CNTN5: variants seen among roughly 807,000 people sequenced by gnomAD.
CNTN5 encodes contactin-5.
Under a neutral mutation model 129.1 loss-of-function variants are expected in CNTN5, and 77 were observed. The observed-to-expected ratio is 0.60, with a 90% CI of 0.50 to 0.72. CNTN5 has a LOEUF of 0.72. CNTN5 is among the 30% of genes least tolerant of loss of function. CNTN5 has a pLI of 0.00. For synonymous variants in CNTN5, 509 were observed against 465.6 expected (o/e 1.09, Z -1.20); for missense variants, 1,478 against 1,328.8 (o/e 1.11, Z -1.75).
chr11:99,750,357 T>C (rs544027356), intron 3 of CNTN5, among the ~76,000 whole-genome samples: 4 of 152,306 alleles, frequency 2.6e-5, no homozygotes, highest in Admixed American at 6.5e-5. Context: ...TATAGTCTTA[T>C]ACCTCAACTA....
intron 13 of CNTN5, among the ~76,000 whole-genome samples, chr11:100,175,417 A>G (rs369866666): frequency 6.6e-6 from 1 of 152,118 alleles, no homozygotes; most frequent in African/African-American, 2.4e-5. Context: ...AATTATTACC[A>G]TTGCCTTTTT....
At chr11:99,312,630 G>A (rs1320170127) in intron 1 of CNTN5, among the ~76,000 whole-genome samples, 1 of 152,070 alleles carries the variant, frequency 6.6e-6, no homozygotes, top group Non-Finnish European at 1.5e-5. Flanking sequence ...AAATTATGTA[G>A]CCTTTCTATA....
intron 13 of CNTN5, among the ~76,000 whole-genome samples, chr11:100,130,874 G>A (rs886443905): frequency 1.3e-5 from 2 of 152,056 alleles, no homozygotes; most frequent in Admixed American, 6.6e-5. Context: ...ATGACTTATT[G>A]TTGACTGATT....
chr11:99,330,981 C>T (rs1026171419), intron 2 of CNTN5, among the ~76,000 whole-genome samples: 3 of 151,994 alleles, frequency 2.0e-5, no homozygotes, highest in African/African-American at 4.8e-5. Flanking sequence ...CACACACATA[C>T]ACACACAAAC....
chr11:99,293,201 T>C (rs1390406504), intron 1 of CNTN5, among the ~76,000 whole-genome samples: 1 of 152,180 alleles, frequency 6.6e-6, no homozygotes, highest in Admixed American at 6.5e-5. Flanking sequence ...TTTTTATCCT[T>C]GATTCTGTTA....
chr11:99,369,964 A>G (rs929479512), intron 2 of CNTN5, among the ~76,000 whole-genome samples: 9 of 152,220 alleles, frequency 5.9e-5, no homozygotes, highest in Admixed American at 1.3e-4. Context: ...GGCCAAAGTT[A>G]TGTCATTACA....
intron 15 of CNTN5, among the ~76,000 whole-genome samples, chr11:100,217,948 G>C (rs1436505578): frequency 6.6e-6 from 1 of 152,184 alleles, no homozygotes; most frequent in African/African-American, 2.4e-5. Flanking sequence ...ATTTAAAAGT[G>C]AGGTTGAGAG....
intron 15 of CNTN5, among the ~76,000 whole-genome samples, chr11:100,196,689 A>G (rs1445531876): frequency 1.3e-5 from 2 of 152,040 alleles, no homozygotes; most frequent in Admixed American, 1.3e-4. Flanking sequence ...CTCTTAGGCC[A>G]TGTTTTACAA....
chr11:99,725,123 T>A (rs1202916529), intron 3 of CNTN5, among the ~76,000 whole-genome samples: 1 of 152,206 alleles, frequency 6.6e-6, no homozygotes. Flanking sequence ...TGTAATTAGA[T>A]GTGAAACTTC....
Position 100,059,165 on chromosome 11 carries a change from C to T in CNTN5, c.981-2047C>T, listed in dbSNP as rs114086116. Among the ~76,000 whole-genome samples the T allele has an allele frequency of 2.2e-3, 334 of 152,218 alleles. 1 individual carries two copies. The highest frequency in any genetic ancestry group is 7.8e-3 in the African/African-American group (325 of 41,534). On this transcript the variant is annotated intron_variant, in intron 9 of 24. Coordinates refer to ENST00000524871, the MANE Select transcript of CNTN5 (RefSeq NM_014361.4). ...GCAACATTTTAAATATTGTGGGACA[C>T]GGAGTTTTACTTATTTAATGATGCT...
At chr11:100,101,334 G>A (rs1048299796) in intron 13 of CNTN5, among the ~76,000 whole-genome samples, 2 of 152,020 alleles carry the variant, frequency 1.3e-5, no homozygotes, top group Non-Finnish European at 2.9e-5. Flanking sequence ...GTGAGAATGG[G>A]GAGGAAGGTA....
At position 99,100,928 on chromosome 11, in the gene CNTN5, A is replaced by G. The variant is rs116260257; in HGVS notation, c.-210+79658A>G. Among the ~76,000 whole-genome samples the G allele has an allele frequency of 3.7e-3, 570 of 152,318 alleles. 3 individuals carry two copies. The highest frequency in any genetic ancestry group is 0.01 in the African/African-American group (435 of 41,574). On this transcript the variant is annotated intron_variant, in intron 1 of 24. Coordinates refer to ENST00000524871, the MANE Select transcript of CNTN5 (RefSeq NM_014361.4). ...ATATTTCTTACATGACTTTTGTAAA[A>G]GCAATAAGAATTAATATGATTGTAT...
At chr11:100,259,226 A>C (rs567969406) in intron 17 of CNTN5, among the ~76,000 whole-genome samples, 3 of 152,226 alleles carry the variant, frequency 2.0e-5, no homozygotes, top group Non-Finnish European at 4.4e-5. Context: ...TAAAGGGATC[A>C]ATGCAAAAAG....
intron 3 of CNTN5, among the ~76,000 whole-genome samples, chr11:99,753,609 C>T (rs1944309393): frequency 7.0e-6 from 1 of 143,210 alleles, no homozygotes; most frequent in Admixed American, 7.1e-5. Flanking sequence ...CTCAGCAGCT[C>T]ACAGTTTTAA....
intron 7 of CNTN5, among the ~76,000 whole-genome samples, chr11:99,937,244 C>T (rs534109879): frequency 6.6e-6 from 1 of 152,260 alleles, no homozygotes; most frequent in Admixed American, 6.5e-5. Flanking sequence ...GATGGGGAGA[C>T]GAAAGTCAGC....
chr11:99,359,076 C>T (rs944800850), intron 2 of CNTN5, among the ~76,000 whole-genome samples: 1 of 152,052 alleles, frequency 6.6e-6, no homozygotes, highest in Non-Finnish European at 1.5e-5. Flanking sequence ...CCCTAAAATG[C>T]AGTTGTAAAG....
chr11:99,229,306 C>T (rs557523624), intron 1 of CNTN5, among the ~76,000 whole-genome samples: 2 of 152,122 alleles, frequency 1.3e-5, no homozygotes, highest in South Asian at 4.1e-4. Flanking sequence ...TTAAATCGCT[C>T]TTACTGGAAC....
At chr11:99,491,219 T>C (rs540093473) in intron 2 of CNTN5, among the ~76,000 whole-genome samples, 4 of 152,228 alleles carry the variant, frequency 2.6e-5, no homozygotes, top group South Asian at 2.1e-4. Flanking sequence ...AATTCCCATA[T>C]AGTGGTTCAG....
intron 3 of CNTN5, among the ~76,000 whole-genome samples, chr11:99,637,261 ATAAT>A (rs1951597116): frequency 6.6e-6 from 1 of 152,048 alleles, no homozygotes; most frequent in African/African-American, 2.4e-5. Flanking sequence ...AGCCTCATAA[ATAAT>A]ATATAGCCAT....
Sources: gnomAD v4.1 joint callset for allele counts (sites outside exome capture counted in the v4.1 genomes callset) on GRCh38, gnomAD v4.1.1 for gene constraint, MANE v1.5 for transcripts, NCBI Gene and HGNC (gene_info 2026-07-23, HGNC 2026-07-21) for gene names.